Variants in DOCK9 observed in about 807,000 individuals in gnomAD.
DOCK9 encodes the protein dedicator of cytokinesis protein 9.
A neutral mutation model predicts 263.3 loss-of-function variants in DOCK9; 89 were observed. The observed-to-expected ratio is 0.34, with a 90% CI of 0.28 to 0.40. DOCK9 has a LOEUF of 0.40. Ranked by LOEUF, DOCK9 falls within the 10% of genes least tolerant of loss-of-function variation. DOCK9 has a pLI of 1.00. For missense variants in DOCK9, 2,140 were observed against 2,603.4 expected, an observed-to-expected ratio of 0.82 and a Z score of 3.87; for synonymous variants, 976 against 973.1, an observed-to-expected ratio of 1.00 and a Z score of -0.06.
At chr13:99,060,972 CCCTTTA>C (rs1320186324) in intron 1 of DOCK9, among the ~76,000 whole-genome samples, 2 of 152,204 alleles carry the variant, frequency 1.3e-5, no homozygotes, top group African/African-American at 4.8e-5. Context: ...CCTTCACTTT[CCCTTTA>C]CATGTTAATC....
chr13:99,062,438 T>C (rs1173325067), intron 1 of DOCK9, among the ~76,000 whole-genome samples: 1 of 152,184 alleles, frequency 6.6e-6, no homozygotes, highest in East Asian at 1.9e-4. Context: ...TATAGATCTC[T>C]GGTCTGACAA....
chr13:99,022,603 G>T (rs1320063193), intron 1 of DOCK9, among the ~76,000 whole-genome samples: 1 of 152,146 alleles, frequency 6.6e-6, no homozygotes, highest in Non-Finnish European at 1.5e-5. Context: ...CAAAAGAAAT[G>T]AGAGAATCTT....
chr13:98,983,487 A>G (rs1278547892), intron 1 of DOCK9, among the ~76,000 whole-genome samples: 2 of 152,162 alleles, frequency 1.3e-5, no homozygotes, highest in African/African-American at 4.8e-5. Flanking sequence ...CAGCAAGAGA[A>G]GATGTGGTGG....
At chr13:98,894,742 A>G (rs2047126712) in intron 15 of DOCK9, among the ~76,000 whole-genome samples, 1 of 151,784 alleles carries the variant, frequency 6.6e-6, no homozygotes, top group South Asian at 2.1e-4. Flanking sequence ...ACCCACTACC[A>G]ATAGAGAAGA....
chr13:98,833,940 T>A (rs1360298771), intron 39 of DOCK9, among the ~76,000 whole-genome samples: 2 of 152,208 alleles, frequency 1.3e-5, no homozygotes, highest in African/African-American at 4.8e-5. Context: ...CTCAGAAATA[T>A]CCACAGATAA....
intron 50 of DOCK9, among the ~76,000 whole-genome samples, chr13:98,797,943 G>A (rs772299): frequency 0.77 from 117,141 of 152,142 alleles, 45,500 homozygotes; most frequent in Non-Finnish European, 0.82. Flanking sequence ...TCCAGTTTTT[G>A]AAACCCAACT....
At chr13:98,896,845 T>C (rs1397662435) in intron 15 of DOCK9, among the ~76,000 whole-genome samples, 1 of 152,202 alleles carries the variant, frequency 6.6e-6, no homozygotes, top group Non-Finnish European at 1.5e-5. Context: ...TCCCAACCCT[T>C]TGTACCTATA....
At chr13:98,900,854 G>A (rs1353395227) in intron 13 of DOCK9, among the ~76,000 whole-genome samples, 1 of 152,176 alleles carries the variant, frequency 6.6e-6, no homozygotes, top group African/African-American at 2.4e-5. Context: ...TGTGATGCAT[G>A]GGCGCCCATA....
At chr13:98,803,248 C>T (rs771614710) in intron 49 of DOCK9, among the ~76,000 whole-genome samples, 6 of 152,200 alleles carry the variant, frequency 3.9e-5, no homozygotes, top group Non-Finnish European at 8.8e-5. Flanking sequence ...TTTATCTAAT[C>T]TAAAGTAGTC....
At chr13:98,931,738 C>T (rs1257147194) in intron 2 of DOCK9, among the ~76,000 whole-genome samples, 1 of 152,176 alleles carries the variant, frequency 6.6e-6, no homozygotes, top group Non-Finnish European at 1.5e-5. Context: ...GCTGGGACTA[C>T]AGGCGGGCGC....
Position 98,904,202 on chromosome 13 carries a change from C to G in DOCK9, c.1035+430G>C, listed in dbSNP as rs144535826. 4.1e-3 allele frequency among the ~76,000 whole-genome samples: 622 copies of G among 152,244 alleles called. 5 individuals are homozygous for G. The highest frequency in any genetic ancestry group is 0.014 in the African/African-American group (586 of 41,538). On this transcript the variant is annotated intron_variant, in intron 10 of 52. Coordinates refer to ENST00000682017, the MANE Select transcript of DOCK9 (RefSeq NM_001366683.2). ...AAATATAGACATATAAACACACATA[C>G]GTATGGTTATGAGGTTTGTGAGGAA...
intron 9 of DOCK9, among the ~76,000 whole-genome samples, chr13:98,907,579 G>C (rs1345430095): frequency 6.6e-6 from 1 of 152,162 alleles, no homozygotes; most frequent in Non-Finnish European, 1.5e-5. Flanking sequence ...CTTTACCACA[G>C]ACATCATTTA....
intron 15 of DOCK9, among the ~76,000 whole-genome samples, chr13:98,893,584 G>T (rs1423398730): frequency 6.6e-6 from 1 of 152,176 alleles, no homozygotes; most frequent in Non-Finnish European, 1.5e-5. Context: ...ATGAGCTTTG[G>T]CAGCTGTTTT....
At chr13:98,838,078 C>G (rs2093074684) in intron 38 of DOCK9, among the ~76,000 whole-genome samples, 1 of 152,166 alleles carries the variant, frequency 6.6e-6, no homozygotes, top group Non-Finnish European at 1.5e-5. Context: ...TGCTATCCAG[C>G]AGGAGTGCTG....
At chr13:98,838,057 T>C (rs2093073322) in intron 38 of DOCK9, among the ~76,000 whole-genome samples, 1 of 152,114 alleles carries the variant, frequency 6.6e-6, no homozygotes, top group Admixed American at 6.5e-5. Context: ...AAGACAGGCA[T>C]TGATCGATTC....
chr13:98,949,850 C>A (rs1268589124), intron 2 of DOCK9: 4 of 481,376 alleles, frequency 8.3e-6, no homozygotes, highest in Admixed American at 4.4e-5. Flanking sequence ...CCCATGAGAT[C>A]TCCTGGAAAT....
intron 1 of DOCK9, among the ~76,000 whole-genome samples, chr13:99,034,633 C>T (rs1195253808): frequency 1.3e-5 from 2 of 152,180 alleles, no homozygotes; most frequent in East Asian, 3.8e-4. Context: ...TCCTGAAACA[C>T]CGCAGCACTC....
intron 1 of DOCK9, among the ~76,000 whole-genome samples, chr13:98,984,525 A>T (rs1877988097): frequency 6.6e-6 from 1 of 152,240 alleles, no homozygotes; most frequent in Non-Finnish European, 1.5e-5. Context: ...GACTAAAAAA[A>T]ATACAACAGA....
intron 1 of DOCK9, among the ~76,000 whole-genome samples, chr13:99,031,998 G>A (rs1490654098): frequency 6.6e-6 from 1 of 152,148 alleles, no homozygotes; most frequent in African/African-American, 2.4e-5. Flanking sequence ...GCCAGTACCT[G>A]GGTTAAATAT....
Sources: allele counts gnomAD v4.1 joint callset (sites outside exome capture counted in the v4.1 genomes callset), GRCh38; gene constraint gnomAD v4.1.1; transcripts MANE v1.5; gene names NCBI Gene and HGNC (gene_info 2026-07-23, HGNC 2026-07-21).